The following CADPS2 variants were observed in gnomAD, a reference collection of about 807,000 sequenced individuals.
The protein encoded by CADPS2 is calcium-dependent secretion activator 2.
In CADPS2, 93 loss-of-function variants were observed where a neutral mutation model predicts 172.5. That is an observed-to-expected ratio of 0.54 (90% CI 0.46 to 0.64). The LOEUF is 0.64. CADPS2 is among the 30% of genes least tolerant of loss of function. The pLI, the probability that CADPS2 is intolerant of heterozygous loss-of-function variation, is 0.00. For synonymous variants in CADPS2, 546 were observed against 555.2 expected, an observed-to-expected ratio of 0.98 and a Z score of 0.23; for missense variants, 1,420 against 1,565.9, an observed-to-expected ratio of 0.91 and a Z score of 1.57.
chr7:122,688,354 T>G (rs1219975782), intron 2 of CADPS2, among the ~76,000 whole-genome samples: 2 of 152,260 alleles, frequency 1.3e-5, no homozygotes, highest in African/African-American at 4.8e-5. Context: ...TTCATTTATA[T>G]TTTCACTTTA....
chr7:122,319,992 C>A lies in CADPS2; in HGVS notation c.*173G>T. Reference sequence around the variant, plus strand: ...AAACAAAAAAAGGAAACAAAAAAACCCCAAAATCTTGGCATTTCCCCTTTT... The same window carrying A: ...AAACAAAAAAAGGAAACAAAAAAACACCAAAATCTTGGCATTTCCCCTTTT... On this transcript the variant is annotated 3_prime_UTR_variant, in exon 30 of 30. Coordinates refer to ENST00000449022, the MANE Select transcript of CADPS2 (RefSeq NM_017954.11). The A allele has an allele frequency of 1.7e-6, 1 of 580,038 alleles. No individual in the cohort carries two copies. The highest frequency in any genetic ancestry group is 2.6e-6 in the Non-Finnish European group (1 of 384,644). The allele number at this position is 580,038 out of a possible 1,614,324, so 35.9% of individuals were successfully genotyped here. A position where few individuals can be genotyped will look rare whatever the true frequency, so the allele number is the denominator to read the frequency against.
chr7:122,544,220 A>T (rs2063386997), intron 8 of CADPS2, among the ~76,000 whole-genome samples: 1 of 152,208 alleles, frequency 6.6e-6, no homozygotes, highest in South Asian at 2.1e-4. Context: ...GTATGTTTGT[A>T]GCAAGCCATA....
chr7:122,646,072 C>G (rs1233280057), intron 3 of CADPS2, among the ~76,000 whole-genome samples: 2 of 151,868 alleles, frequency 1.3e-5, no homozygotes, highest in South Asian at 4.1e-4. Context: ...TTTTCCAAAA[C>G]TTTCCCAGAG....
chr7:122,851,852 C>T (rs1220631624), intron 1 of CADPS2, among the ~76,000 whole-genome samples: 1 of 152,172 alleles, frequency 6.6e-6, no homozygotes, highest in Non-Finnish European at 1.5e-5. Flanking sequence ...ATGGGAGCTA[C>T]AACTCAAGAT....
intron 2 of CADPS2, chr7:122,676,801 C>A: frequency 1.2e-6 from 1 of 845,910 alleles, no homozygotes; most frequent in Admixed American, 2.3e-5. Context: ...TTCCATGGGA[C>A]AAGATTCCGA....
chr7:122,517,600 A>T (rs557078641), intron 8 of CADPS2, among the ~76,000 whole-genome samples: 2 of 152,238 alleles, frequency 1.3e-5, no homozygotes, highest in African/African-American at 4.8e-5. Context: ...AGTCATTATG[A>T]CTATAAATAT....
chr7:122,402,872 C>T (rs972980133), intron 20 of CADPS2, among the ~76,000 whole-genome samples: 5 of 152,142 alleles, frequency 3.3e-5, no homozygotes, highest in Non-Finnish European at 5.9e-5. Flanking sequence ...TGTCCTATTA[C>T]CTTTGGCTAG....
chr7:122,670,325 C>A lies in CADPS2; in HGVS notation c.454-6756G>T, dbSNP rs971988807. 2.6e-4 allele frequency among the ~76,000 whole-genome samples: 39 copies of A among 152,016 alleles called. 2 individuals are homozygous for A. The highest frequency in any genetic ancestry group is 1.5e-5 in the Non-Finnish European group (1 of 68,014). On this transcript the variant is annotated intron_variant, in intron 2 of 29. Coordinates refer to ENST00000449022, the MANE Select transcript of CADPS2 (RefSeq NM_017954.11). ...TGGGCACAGTGGCTCATGCTGGTAT[C>A]CTAGCACTTTGGGAGGCCAAAGTGG... is the stretch of plus-strand genomic sequence containing the variant.
intron 15 of CADPS2, among the ~76,000 whole-genome samples, chr7:122,449,935 T>C (rs1173634002): frequency 6.6e-6 from 1 of 152,180 alleles, no homozygotes; most frequent in Non-Finnish European, 1.5e-5. Flanking sequence ...GTACTGCTAC[T>C]AGCCCCAGTT....
intron 17 of CADPS2, among the ~76,000 whole-genome samples, chr7:122,419,414 G>T (rs1042168311): frequency 6.6e-6 from 1 of 152,144 alleles, no homozygotes; most frequent in Non-Finnish European, 1.5e-5. Context: ...AACTTTGTCA[G>T]AAAATGTCTT....
intron 20 of CADPS2, 127 bp downstream of exon 20, chr7:122,407,413 G>A: frequency 2.0e-6 from 2 of 1,018,150 alleles, no homozygotes; most frequent in South Asian, 1.7e-5. Context: ...GGCAGGCTGA[G>A]CAAACCTAAA....
At chr7:122,785,024 A>G (rs1192328559) in intron 1 of CADPS2, among the ~76,000 whole-genome samples, 1 of 151,996 alleles carries the variant, frequency 6.6e-6, no homozygotes, top group East Asian at 1.9e-4. Context: ...TTTTAATCAT[A>G]TTTTCATATT....
chr7:122,815,634 T>C (rs910040647), intron 1 of CADPS2, among the ~76,000 whole-genome samples: 3 of 151,594 alleles, frequency 2.0e-5, no homozygotes, highest in East Asian at 3.9e-4. Context: ...AAATTCAAAA[T>C]ATATTGCAGC....
At chr7:122,827,191 T>C (rs540694768) in intron 1 of CADPS2, among the ~76,000 whole-genome samples, 1 of 152,212 alleles carries the variant, frequency 6.6e-6, no homozygotes, top group Non-Finnish European at 1.5e-5. Context: ...AATGTACCAA[T>C]TCCTGAAGAA....
At chr7:122,619,658 T>C (rs2075357682) in intron 5 of CADPS2, among the ~76,000 whole-genome samples, 1 of 151,966 alleles carries the variant, frequency 6.6e-6, no homozygotes, top group Non-Finnish European at 1.5e-5. Flanking sequence ...TAAACTCTTG[T>C]TGGAAAAAGT....
intron 1 of CADPS2, among the ~76,000 whole-genome samples, chr7:122,851,638 C>T (rs1456348614): frequency 6.6e-6 from 1 of 152,082 alleles, no homozygotes; most frequent in Non-Finnish European, 1.5e-5. Flanking sequence ...CTGGGGAGGC[C>T]ACACAATCAT....
chr7:122,819,784 T>C (rs186787221), intron 1 of CADPS2, among the ~76,000 whole-genome samples: 58 of 151,806 alleles, frequency 3.8e-4, no homozygotes, highest in Admixed American at 2.7e-3. Flanking sequence ...CTCCTTTGCA[T>C]CCTCCTCTTG....
intron 7 of CADPS2, among the ~76,000 whole-genome samples, chr7:122,564,131 G>A (rs2066100779): frequency 6.6e-6 from 1 of 152,120 alleles, no homozygotes; most frequent in Admixed American, 6.6e-5. Flanking sequence ...CTGTGAAGGT[G>A]AGCTCTTGTT....
chr7:122,775,990 G>C (rs2093870064), intron 1 of CADPS2, among the ~76,000 whole-genome samples: 1 of 151,922 alleles, frequency 6.6e-6, no homozygotes, highest in Non-Finnish European at 1.5e-5. Flanking sequence ...TTCTAGAGAA[G>C]TTAGATGGGC....
Sources: gnomAD v4.1 joint callset for allele counts (sites outside exome capture counted in the v4.1 genomes callset) on GRCh38, gnomAD v4.1.1 for gene constraint, MANE v1.5 for transcripts, NCBI Gene and HGNC (gene_info 2026-07-23, HGNC 2026-07-21) for gene names.